Variants in SLC38A7 observed in about 807,000 individuals in gnomAD.
The protein encoded by SLC38A7 is sodium-coupled neutral amino acid transporter 7.
SLC38A7 carries 29 observed loss-of-function variants against 50.1 expected under a neutral mutation model. The observed-to-expected ratio is 0.58, with a 90% CI of 0.43 to 0.79. The LOEUF is 0.79. Ranked by LOEUF, SLC38A7 falls within the 30% of genes least tolerant of loss-of-function variation. SLC38A7 has a pLI of 0.00. For missense variants in SLC38A7, 483 were observed against 610.6 expected, an observed-to-expected ratio of 0.79 and a Z score of 2.20; for synonymous variants, 244 against 245.9, an observed-to-expected ratio of 0.99 and a Z score of 0.07.
At position 58,667,399 on chromosome 16, in the gene SLC38A7, C is replaced by G; in HGVS notation, c.1375G>C (p.Asp459His). The G allele has an allele frequency of 1.2e-6, 2 of 1,614,056 alleles. No individual in the cohort carries two copies. The highest frequency in any genetic ancestry group is 1.7e-6 in the Non-Finnish European group (2 of 1,180,024). The change falls in exon 12 of 12, where the codon GAT (aspartate) becomes CAT (histidine). Residue 459 changes from aspartate to histidine, a missense_variant. By Grantham distance (81) the Asp-to-His change is moderately conservative (BLOSUM62 -1). Transcript: ENST00000219320. ...GQTTANAIFV[D>H]LLA ...GGAGGCAGTGGTTATGCCAAGAGAT[C>G]CACAAAGATGGCGTTGGCTGTGGTC...
chr16:58,669,785 G>A (rs2044122993), intron 11 of SLC38A7, among the ~76,000 whole-genome samples: 1 of 121,002 alleles, frequency 8.3e-6, no homozygotes, highest in Admixed American at 8.7e-5. Context: ...GACCGGCCTG[G>A]CCAACATGGT....
chr16:58,674,613 C>T (rs1036572815), intron 8 of SLC38A7, among the ~76,000 whole-genome samples: 10 of 151,928 alleles, frequency 6.6e-5, no homozygotes, highest in Non-Finnish European at 1.2e-4. Flanking sequence ...TACTATCACA[C>T]TGGTCTTTAA....
intron 3 of SLC38A7, among the ~76,000 whole-genome samples, chr16:58,679,112 C>T (rs1419056919): frequency 6.6e-6 from 1 of 152,188 alleles, no homozygotes; most frequent in Admixed American, 6.5e-5. Flanking sequence ...AGAGAATAGG[C>T]TGGATGCGAT....
Position 58,678,206 on chromosome 16 carries a change from C to T in SLC38A7, c.611+127G>A, listed in dbSNP as rs1431843688. On this transcript the variant is annotated intron_variant, in intron 5 of 11. Transcript: ENST00000219320. The surrounding 1 kb of genome is among the most constrained non-coding windows in gnomAD (Gnocchi z 4.0). Reference sequence around the variant, plus strand: ...CTGAAACCCTGCAAGCCCCGGTCTGCCCTGCCTTGCCTACTCTTGCTCCCC... The same window carrying T: ...CTGAAACCCTGCAAGCCCCGGTCTGTCCTGCCTTGCCTACTCTTGCTCCCC... The T allele has an allele frequency of 4.3e-6, 5 of 1,154,250 alleles. No individual in the cohort carries two copies. Among genetic ancestry groups the T allele is most frequent in the Non-Finnish European group, 5.9e-6 (5 of 842,978 alleles). The allele number at this position is 1,154,250 out of a possible 1,614,324, so 71.5% of individuals were successfully genotyped here. A position where few individuals can be genotyped will look rare whatever the true frequency, so the allele number is the denominator to read the frequency against.
Position 58,672,093 on chromosome 16 carries a change from C to T in SLC38A7, c.1031+3G>A. 1 of 1,553,388 alleles carries T rather than the reference C, an allele frequency of 6.4e-7. No homozygotes were observed. Among genetic ancestry groups the T allele is most frequent in the Non-Finnish European group, 8.7e-7 (1 of 1,148,528 alleles). On this transcript the variant is annotated splice_donor_region_variant and intron_variant, in intron 9 of 11. Transcript: ENST00000219320. ...GGGCCCTGGGGAGTGGAAGGGGGCT[C>T]ACCGCCCACAGAAGTGCAGGATAGG... is the stretch of plus-strand genomic sequence containing the variant.
chr16:58,671,175 C>T lies in SLC38A7; in HGVS notation c.1101G>A (p.Arg367=). ...CCAGCGTCTGCAGCACTCGCCGCCG[C>T]CGCTCCCGCCCCACGTCCTCCTCCA... ...VPVEEDVGRE[R]RRRVLQTLVW... Residue 367 remains arginine, a synonymous_variant, in exon 10 of 12, where the codon CGG becomes CGA. Transcript: ENST00000219320. 1 of 1,613,964 alleles carries T rather than the reference C, an allele frequency of 6.2e-7. No individual in the cohort carries two copies. Among genetic ancestry groups the T allele is most frequent in the African/African-American group, 1.3e-5 (1 of 75,046 alleles).
At chr16:58,680,776 C>T (rs2044372956) in intron 2 of SLC38A7, among the ~76,000 whole-genome samples, 1 of 152,208 alleles carries the variant, frequency 6.6e-6, no homozygotes, top group Non-Finnish European at 1.5e-5. Context: ...AATTCTGTGG[C>T]TTTCGAGGCC....
Position 58,670,100 on chromosome 16 carries a change from G to C in SLC38A7, c.1286+13C>G. 2 of 1,613,932 alleles carry C rather than the reference G, an allele frequency of 1.2e-6. No individual in the cohort carries two copies. The highest frequency in any genetic ancestry group is 1.7e-6 in the Non-Finnish European group (2 of 1,179,842). On this transcript the variant is annotated intron_variant, in intron 11 of 11. Coordinates refer to ENST00000219320, the MANE Select transcript of SLC38A7 (RefSeq NM_018231.3). ...ACCTCCCTGAGAGGATCAAGGGCTG[G>C]GTCCTGCTTTACCTGGCTGGTTTGA...
intron 6 of SLC38A7, among the ~76,000 whole-genome samples, chr16:58,677,040 C>T (rs1424707800): frequency 6.6e-6 from 1 of 152,050 alleles, no homozygotes; most frequent in Non-Finnish European, 1.5e-5. Context: ...GCAATTCGAC[C>T]CTGGGATTCC....
rs557456174 is a variant in SLC38A7, at chr16:58,667,390, C to A, written c.1384G>T (p.Ala462Ser). The change falls in exon 12 of 12, where the codon GCA becomes TCA. Residue 462 changes from alanine (A) to serine (S), a missense_variant. Coordinates refer to ENST00000219320, the MANE Select transcript of SLC38A7 (RefSeq NM_018231.3). ...TANAIFVDLL[A>S] ...TGTTCCCTGGGAGGCAGTGGTTATGCCAAGAGATCCACAAAGATGGCGTTG... is the reference window on the plus strand; with the variant it reads ...TGTTCCCTGGGAGGCAGTGGTTATGACAAGAGATCCACAAAGATGGCGTTG... The A allele has an allele frequency of 2.2e-5, 36 of 1,613,986 alleles. No individual in the cohort carries two copies. In the South Asian group the frequency reaches 3.8e-4, roughly 17 times the overall value.
chr16:58,677,497 A>G, intron 5 of SLC38A7, 73 bp from the exon 6 acceptor site: 4 of 1,335,972 alleles, frequency 3.0e-6, no homozygotes, highest in South Asian at 2.4e-5. Flanking sequence ...AGGGACATCC[A>G]CCTTCAGCTC....
intron 2 of SLC38A7, among the ~76,000 whole-genome samples, chr16:58,682,157 A>AAAAC (rs891390290): frequency 6.6e-6 from 1 of 152,132 alleles, no homozygotes; most frequent in Non-Finnish European, 1.5e-5. Flanking sequence ...ACTCTATCTC[A>AAAAC]AAACAAACAA....
rs1256704901 is a variant in SLC38A7, at chr16:58,678,714, C to T, written c.451G>A (p.Gly151Ser). 6.2e-7 allele frequency: 1 copy of T among 1,614,052 alleles called. No homozygotes were observed. Among genetic ancestry groups the T allele is most frequent in the Non-Finnish European group, 8.5e-7 (1 of 1,179,990 alleles). The change falls in exon 4 of 12, where the codon GGC becomes AGC. Residue 151 changes from glycine to serine, a missense_variant. Gly to Ser is a moderately conservative substitution (Grantham distance 56). Transcript: ENST00000219320. This position sits in a 1 kb window ranked among gnomAD's most constrained non-coding sequence, Gnocchi z 4.0. ...GTCIAFLIII[G>S]DQQDKIIAVM... is the part of the protein sequence containing the mutation. ...AGCTCACTCTTGTCCTGCTGGTCGC[C>T]AATGATGATTAGGAAGGCAATGCAG...
intron 3 of SLC38A7, 120 bp from the exon 4 acceptor site, chr16:58,679,014 A>G: frequency 1.0e-6 from 1 of 983,750 alleles, no homozygotes; most frequent in South Asian, 1.5e-5. Context: ...TCACAAAGGC[A>G]ATTTTAAGAG....
At chr16:58,677,002 T>C (rs2044281886) in intron 6 of SLC38A7, among the ~76,000 whole-genome samples, 1 of 151,670 alleles carries the variant, frequency 6.6e-6, no homozygotes. Flanking sequence ...ATACAGAAAT[T>C]ACAGATAAGC....
chr16:58,676,905 C>G (rs537805874), intron 6 of SLC38A7, among the ~76,000 whole-genome samples: 1 of 152,092 alleles, frequency 6.6e-6, no homozygotes, highest in African/African-American at 2.4e-5. Context: ...CCGCCCGCCT[C>G]GGCCTCCCAA....
At chr16:58,669,872 G>T (rs12598355) in intron 11 of SLC38A7, among the ~76,000 whole-genome samples, 1 of 151,720 alleles carries the variant, frequency 6.6e-6, no homozygotes, top group Non-Finnish European at 1.5e-5. Flanking sequence ...CTACTCGGGA[G>T]GCTGAGGCAC....
At chr16:58,676,636 G>A (rs1057067629) in intron 6 of SLC38A7, among the ~76,000 whole-genome samples, 1 of 151,914 alleles carries the variant, frequency 6.6e-6, no homozygotes, top group Non-Finnish European at 1.5e-5. Context: ...GAAGGAAATT[G>A]TTTTTTTTGT....
Position 58,667,301 on chromosome 16 carries a change from G to A in SLC38A7, c.*84C>T, listed in dbSNP as rs755459159. ...TGTCATCCCACCAGTTGGAATGATC[G>A]TGGACTAAGAATGGCCCCATAGCTC... On this transcript the variant is annotated 3_prime_UTR_variant, in exon 12 of 12. Coordinates refer to ENST00000219320, the MANE Select transcript of SLC38A7 (RefSeq NM_018231.3). The A allele has an allele frequency of 1.9e-5, 27 of 1,385,940 alleles. No individual in the cohort carries two copies. Among genetic ancestry groups the A allele is most frequent in the African/African-American group, 4.3e-5 (3 of 70,326 alleles). The allele number at this position is 1,385,940 out of a possible 1,614,324, so 85.9% of individuals were successfully genotyped here. A position where few individuals can be genotyped will look rare whatever the true frequency, so the allele number is the denominator to read the frequency against.
Sources: allele counts gnomAD v4.1 joint callset (sites outside exome capture counted in the v4.1 genomes callset), GRCh38; gene constraint gnomAD v4.1.1; non-coding constraint Gnocchi (gnomAD v3.1); transcripts MANE v1.5; gene names NCBI Gene and HGNC (gene_info 2026-07-23, HGNC 2026-07-21).